The following SFMBT1 variants were observed in gnomAD, a reference collection of about 807,000 sequenced individuals.
The protein encoded by SFMBT1 is Scm like with four mbt domains 1.
Under a neutral mutation model 108.7 loss-of-function variants are expected in SFMBT1, and 32 were observed. That is an observed-to-expected ratio of 0.29 (90% CI 0.22 to 0.40). The LOEUF (loss-of-function observed/expected upper bound fraction) is 0.40. Ranked by LOEUF, SFMBT1 falls within the 10% of genes least tolerant of loss-of-function variation. SFMBT1 has a pLI of 1.00. For synonymous variants in SFMBT1, 348 were observed against 369.5 expected (o/e 0.94, Z 0.67); for missense variants, 816 against 1,059.6 (o/e 0.77, Z 3.19).
intron 1 of SFMBT1, among the ~76,000 whole-genome samples, chr3:52,984,777 T>C (rs1704848225): frequency 6.7e-6 from 1 of 149,014 alleles, no homozygotes; most frequent in African/African-American, 2.5e-5. Context: ...TGTCTATTCA[T>C]ACTATAATGA....
intron 11 of SFMBT1, 56 bp downstream of exon 11, chr3:52,921,649 A>C: frequency 6.3e-7 from 1 of 1,584,914 alleles, no homozygotes; most frequent in Non-Finnish European, 8.6e-7. Context: ...ACAGGAGTAA[A>C]CAGGAAGCTC....
chr3:52,992,670 G>C (rs1001060573), intron 1 of SFMBT1, among the ~76,000 whole-genome samples: 2 of 152,086 alleles, frequency 1.3e-5, no homozygotes, highest in African/African-American at 4.8e-5. Flanking sequence ...TTTCATAAAA[G>C]CAGATCATCT....
At chr3:52,971,920 A>G (rs971022264) in intron 1 of SFMBT1, among the ~76,000 whole-genome samples, 7 of 152,224 alleles carry the variant, frequency 4.6e-5, no homozygotes, top group Non-Finnish European at 8.8e-5. Flanking sequence ...AGTGGCAAAT[A>G]AAAGACTGAA....
chr3:52,956,288 C>T (rs377009460), intron 2 of SFMBT1, among the ~76,000 whole-genome samples: 3 of 152,070 alleles, frequency 2.0e-5, no homozygotes, highest in Admixed American at 2.0e-4. Flanking sequence ...GGTGAAACCC[C>T]GTCTCTACTA....
chr3:53,043,884 AG>A (rs1700130868), intron 1 of SFMBT1, among the ~76,000 whole-genome samples: 1 of 152,200 alleles, frequency 6.6e-6, no homozygotes, highest in South Asian at 2.1e-4. Context: ...AACCCTCAAA[AG>A]GGTCCTGTTT....
Position 52,928,247 on chromosome 3 carries a change from C to T in SFMBT1, c.992G>A (p.Gly331Asp), listed in dbSNP as rs1489342733. ...CAGACTCCACTGCACAGGGAAGATG[C>T]CAGGACTGTCGGCGTGGCACACAAA... ...RSFVCHADSPGIFPVQWSLKN... is the reference protein window; with the variant it reads ...RSFVCHADSPDIFPVQWSLKN... The change falls in exon 9 of 21, where the codon GGC becomes GAC. Residue 331 changes from glycine to aspartate, a missense_variant. Transcript: ENST00000394752. 1 of 1,614,030 alleles carries T rather than the reference C, an allele frequency of 6.2e-7. No homozygotes were observed. Among genetic ancestry groups the T allele is most frequent in the Non-Finnish European group, 8.5e-7 (1 of 1,179,996 alleles).
At chr3:52,955,526 C>T (rs562725474) in intron 2 of SFMBT1, among the ~76,000 whole-genome samples, 13 of 151,924 alleles carry the variant, frequency 8.6e-5, no homozygotes, top group African/African-American at 3.1e-4. Context: ...GGAGATATCA[C>T]CACCAATCCC....
At chr3:52,966,336 A>AAAAAT (rs1214815068) in intron 2 of SFMBT1, among the ~76,000 whole-genome samples, 8 of 97,796 alleles carry the variant, frequency 8.2e-5, no homozygotes, top group Non-Finnish European at 1.3e-4. Flanking sequence ...AGAAAAAAAA[A>AAAAAT]AGGACTAAAG....
intron 10 of SFMBT1, 116 bp from the exon 11 acceptor site, chr3:52,921,947 AT>A: frequency 2.8e-6 from 3 of 1,061,844 alleles, no homozygotes; most frequent in Non-Finnish European, 4.2e-6. Flanking sequence ...GATAACATTT[AT>A]TTTGCATTGT....
rs940242324 is a variant in SFMBT1, at chr3:52,943,541, G to A, written c.176C>T (p.Ala59Val). The change falls in exon 4 of 21, where the codon GCT (alanine) becomes GTT (valine). Residue 59 changes from alanine (A) to valine (V), a missense_variant. Ala to Val is a moderately conservative substitution (Grantham distance 64). Around this residue, in one of 5 missense-constraint regions of SFMBT1, gnomAD observed 495 missense variants for 607.4 expected, o/e 0.81. Coordinates refer to ENST00000394752, the MANE Select transcript of SFMBT1 (RefSeq NM_016329.4). ...GTAGGTCTCAGGATCTGTTCTCACA[G>A]CCACCTCCAGCTTCATCCCAGGAGC... ...GFAPGMKLEVAVRTDPETYWV... is the reference protein window; with the variant it reads ...GFAPGMKLEVVVRTDPETYWV... 1 of 1,614,102 alleles carries A rather than the reference G, an allele frequency of 6.2e-7. No homozygotes were observed. Among genetic ancestry groups the A allele is most frequent in the Non-Finnish European group, 8.5e-7 (1 of 1,180,034 alleles).
chr3:53,012,690 C>T (rs1387484469), intron 1 of SFMBT1, among the ~76,000 whole-genome samples: 1 of 151,770 alleles, frequency 6.6e-6, no homozygotes, highest in East Asian at 1.9e-4. Context: ...GCGTGAGCCA[C>T]CGCGCCCGGC....
intron 13 of SFMBT1, among the ~76,000 whole-genome samples, chr3:52,916,470 C>A (rs771538551): frequency 6.6e-6 from 1 of 150,868 alleles, no homozygotes; most frequent in Non-Finnish European, 1.5e-5. Context: ...GAGATTGAGA[C>A]CATCCTGGCT....
intron 3 of SFMBT1, among the ~76,000 whole-genome samples, chr3:52,953,145 A>C (rs1703651687): frequency 6.6e-6 from 1 of 152,230 alleles, no homozygotes; most frequent in Non-Finnish European, 1.5e-5. Flanking sequence ...TGTGTGTTTT[A>C]AGAGGGAGTT....
chr3:52,970,762 A>C (rs1247019098), intron 1 of SFMBT1, among the ~76,000 whole-genome samples: 1 of 152,220 alleles, frequency 6.6e-6, no homozygotes, highest in Non-Finnish European at 1.5e-5. Context: ...AATCATGAAG[A>C]AAAAGCTTAG....
In SFMBT1 at chr3:52,905,128, T is replaced by A. The variant is rs767432227; in HGVS notation, c.*8A>T. On this transcript the variant is annotated 3_prime_UTR_variant, in exon 21 of 21. Coordinates refer to ENST00000394752, the MANE Select transcript of SFMBT1 (RefSeq NM_016329.4). ...CTTCAAAGATCCAGCTCACTTTGGT[T>A]GTCCTTCTCAGTTGGCAAACTGCTC... 6.8e-6 allele frequency: 11 copies of A among 1,613,022 alleles called. No individual in the cohort carries two copies. In the South Asian group the frequency reaches 1.2e-4, roughly 18 times the overall value.
At chr3:52,934,430 CAAAA>C (rs34039062) in intron 5 of SFMBT1, among the ~76,000 whole-genome samples, 8 of 114,288 alleles carry the variant, frequency 7.0e-5, no homozygotes, top group African/African-American at 6.5e-5. Context: ...GTGTTCCAAG[CAAAA>C]AAAAAAAAAA....
chr3:53,007,512 T>G (rs1240835961), intron 1 of SFMBT1, among the ~76,000 whole-genome samples: 1 of 152,192 alleles, frequency 6.6e-6, no homozygotes, highest in Non-Finnish European at 1.5e-5. Flanking sequence ...AGAACACTTG[T>G]GCCAGAAAAC....
chr3:53,029,171 CAAAAAAAAAAA>C (rs60211879), intron 1 of SFMBT1, among the ~76,000 whole-genome samples: 3 of 49,094 alleles, frequency 6.1e-5, no homozygotes, highest in Admixed American at 2.1e-4. Flanking sequence ...GACTCCGTCT[CAAAAAAAAAAA>C]AAAAAAAAAA....
intron 19 of SFMBT1, 97 bp from the exon 20 acceptor site, chr3:52,906,338 T>C: frequency 6.3e-7 from 1 of 1,580,256 alleles, no homozygotes; most frequent in Non-Finnish European, 8.7e-7. Context: ...CAAGACATGA[T>C]TTAAAGTGGT....
Sources: allele counts gnomAD v4.1 joint callset (sites outside exome capture counted in the v4.1 genomes callset), GRCh38; gene constraint gnomAD v4.1.1; regional missense constraint gnomAD v4.1.1; transcripts MANE v1.5; gene names NCBI Gene and HGNC (gene_info 2026-07-23, HGNC 2026-07-21).